Variants in EPHA6 observed in about 807,000 individuals in gnomAD.
The protein encoded by EPHA6 is ephrin type-A receptor 6.
EPHA6 carries 50 observed loss-of-function variants against 112.0 expected under a neutral mutation model. That is an observed-to-expected ratio of 0.45 (90% confidence interval 0.36 to 0.56). EPHA6 has a LOEUF of 0.56. Among genes scored for constraint, EPHA6 ranks in the 20% least tolerant of loss-of-function variants. EPHA6 has a pLI of 0.00. For synonymous variants in EPHA6, 529 were observed against 490.7 expected (o/e 1.08, Z -1.03); for missense variants, 1,280 against 1,417.4 (o/e 0.90, Z 1.56).
rs761466540 is a variant in EPHA6 at position 96,814,832 on chromosome 3, A to G, written c.209A>G (p.His70Arg). 11 of 1,583,726 alleles carry G rather than the reference A, an allele frequency of 6.9e-6. No individual in the cohort carries two copies. Among genetic ancestry groups the G allele is most frequent in the Non-Finnish European group, 8.6e-6 (10 of 1,164,422 alleles). Reference protein sequence around the residue: ...EEEEDVDKDPHPTQNTCLRCR... With the variant: ...EEEEDVDKDPRPTQNTCLRCR... ...GAAGAAGACGTGGACAAGGACCCCC[A>G]TCCTACCCAGAACACCTGCCTGCGC... The change falls in exon 1 of 18, where the codon CAT becomes CGT. Residue 70 changes from histidine to arginine, a missense_variant. Physicochemically the swap from His to Arg is conservative, Grantham distance 29. This residue lies in a region of EPHA6 where 220 missense variants were observed against 171.5 expected (regional missense o/e 1.28). Transcript: ENST00000389672.
chr3:97,460,129 T>C (rs185413002), intron 7 of EPHA6, among the ~76,000 whole-genome samples: 3 of 152,342 alleles, frequency 2.0e-5, no homozygotes, highest in African/African-American at 7.2e-5. Flanking sequence ...TCAGGCTCAG[T>C]AACATAGAGG....
chr3:97,131,405 T>C (rs901658294), intron 3 of EPHA6, among the ~76,000 whole-genome samples: 2 of 152,104 alleles, frequency 1.3e-5, no homozygotes, highest in African/African-American at 4.8e-5. Context: ...TATTCCTTAG[T>C]CATAATAATG....
intron 3 of EPHA6, among the ~76,000 whole-genome samples, chr3:96,999,945 A>G (rs1382844501): frequency 6.6e-6 from 1 of 151,756 alleles, no homozygotes; most frequent in African/African-American, 2.4e-5. Context: ...ACCTACCCAA[A>G]AAGATTTTCC....
chr3:97,648,383 C>T lies in EPHA6; in HGVS notation c.2784+10301C>T, dbSNP rs2094083146. The stretch of plus-strand genomic sequence containing the variant: ...GGTCTAAGAAGACATAGCCTACACC[C>T]AACTGGAGATAATTATAAAAAATAA... On this transcript the variant is annotated intron_variant, in intron 14 of 17. Coordinates refer to ENST00000389672, the MANE Select transcript of EPHA6 (RefSeq NM_001080448.3). 8 of 1,512,848 alleles carry T rather than the reference C, an allele frequency of 5.3e-6. No individual in the cohort carries two copies. In the Admixed American group the frequency reaches 1.5e-4, roughly 28 times the overall value. The allele number at this position is 1,512,848 out of a possible 1,614,324, so 93.7% of individuals were successfully genotyped here. A position where few individuals can be genotyped will look rare whatever the true frequency, so the allele number is the denominator to read the frequency against.
At position 97,736,092 on chromosome 3, in the gene EPHA6, T is replaced by G; in HGVS notation, c.3102T>G (p.Leu1034=). Residue 1034 remains leucine (L), a synonymous_variant, in exon 16 of 18, where the codon CTT becomes CTG. Transcript: ENST00000389672. ...AACTGATCCGAAATCCCAGTGCCCT[T>G]CACACCCTGGTGGAGGACATCCTTG... ...LDKLIRNPSA[L]HTLVEDILVM... The G allele has an allele frequency of 6.2e-7, 1 of 1,612,252 alleles. No individual in the cohort carries two copies. Among genetic ancestry groups the G allele is most frequent in the Non-Finnish European group, 8.5e-7 (1 of 1,178,952 alleles).
intron 10 of EPHA6, among the ~76,000 whole-genome samples, chr3:97,529,032 C>T (rs1020360173): frequency 8.5e-5 from 13 of 152,124 alleles, no homozygotes; most frequent in African/African-American, 3.1e-4. Context: ...TTTTATCATT[C>T]CAATCATCTG....
At chr3:97,606,658 G>A (rs2093682251) in intron 12 of EPHA6, among the ~76,000 whole-genome samples, 1 of 151,264 alleles carries the variant, frequency 6.6e-6, no homozygotes, top group African/African-American at 2.4e-5. Context: ...GAAGAAAACA[G>A]TTCTTTAATT....
intron 1 of EPHA6, among the ~76,000 whole-genome samples, chr3:96,853,515 T>C (rs2035517883): frequency 6.6e-6 from 1 of 152,118 alleles, no homozygotes; most frequent in Non-Finnish European, 1.5e-5. Flanking sequence ...TGATTTGTTT[T>C]ATTCTGAATA....
At chr3:96,985,059 G>T (rs1314758856) in intron 2 of EPHA6, among the ~76,000 whole-genome samples, 4 of 152,086 alleles carry the variant, frequency 2.6e-5, no homozygotes, top group African/African-American at 9.7e-5. Context: ...CCACTGTCCT[G>T]CCCCCACTGT....
chr3:97,452,212 A>T (rs540973880), intron 7 of EPHA6, among the ~76,000 whole-genome samples: 42 of 151,878 alleles, frequency 2.8e-4, no homozygotes, highest in African/African-American at 9.9e-4. Context: ...GCTAGTGGAG[A>T]TTCTCTAACT....
rs1559631875 is a variant in EPHA6 at position 96,970,268 on chromosome 3, A to AC, written c.451-17062_451-17061insC. On this transcript the variant is annotated intron_variant, in intron 2 of 17. Coordinates refer to ENST00000389672, the MANE Select transcript of EPHA6 (RefSeq NM_001080448.3). ...ACACACACACACACACACACACACA[A>AC]ACACACACACACACAGAGCGAGAGA... Among the ~76,000 whole-genome samples the AC allele has an allele frequency of 2.9e-4, 35 of 120,934 alleles. 1 individual carries two copies. Among genetic ancestry groups the AC allele is most frequent in the African/African-American group, 8.7e-4 (23 of 26,402 alleles). 79.3% of individuals were successfully genotyped at this position (120,934 alleles called of 152,430 possible). A position where few individuals can be genotyped will look rare whatever the true frequency, so the allele number is the denominator to read the frequency against.
rs554138334 is a variant in EPHA6, at chr3:97,724,315, T to C, written c.2934+3905T>C. ...CCCAAAGGTCAGTGGTATTATACTT[T>C]AGGGAAAGGAAATGAGAAAAAAAGA... On this transcript the variant is annotated intron_variant, in intron 15 of 17. Transcript: ENST00000389672. 5.9e-5 allele frequency among the ~76,000 whole-genome samples: 9 copies of C among 152,232 alleles called. No individual in the cohort carries two copies. The South Asian group carries it at 1.7e-3, about 28-fold the overall frequency.
At chr3:96,976,438 T>C (rs1442178693) in intron 2 of EPHA6, among the ~76,000 whole-genome samples, 1 of 152,156 alleles carries the variant, frequency 6.6e-6, no homozygotes, top group Non-Finnish European at 1.5e-5. Flanking sequence ...CAATTAACAT[T>C]TTAATTAATG....
At chr3:97,575,974 G>A (rs963940582) in intron 11 of EPHA6, among the ~76,000 whole-genome samples, 10 of 152,094 alleles carry the variant, frequency 6.6e-5, no homozygotes, top group Admixed American at 2.0e-4. Flanking sequence ...ACGACTCTGA[G>A]GAAGTGGTCT....
chr3:96,895,873 C>A (rs752268408), intron 2 of EPHA6, among the ~76,000 whole-genome samples: 2 of 152,138 alleles, frequency 1.3e-5, no homozygotes, highest in Non-Finnish European at 2.9e-5. Context: ...TATAGGGACA[C>A]CAATCATTGA....
chr3:97,236,791 A>G (rs1033269457), intron 4 of EPHA6, among the ~76,000 whole-genome samples: 3 of 152,070 alleles, frequency 2.0e-5, no homozygotes, highest in Admixed American at 6.6e-5. Context: ...ATAATTGGCC[A>G]CTTGAGAAAA....
rs577976797 is a variant in EPHA6, at chr3:97,326,696, G to T, written c.1607-78454G>T. Among the ~76,000 whole-genome samples the T allele has an allele frequency of 2.6e-5, 4 of 152,138 alleles. No individual in the cohort carries two copies. The East Asian group carries it at 7.7e-4, about 29-fold the overall frequency. On this transcript the variant is annotated intron_variant, in intron 5 of 17. Transcript: ENST00000389672. ...CAAATGGTCTTGGTAGAAATTGGAT[G>T]CACACATCATGAAACAGTAAAAACC...
chr3:96,856,197 G>A (rs556141179), intron 1 of EPHA6, among the ~76,000 whole-genome samples: 2 of 151,876 alleles, frequency 1.3e-5, no homozygotes, highest in African/African-American at 2.4e-5. Flanking sequence ...CGGAGATCGC[G>A]CCACTGCACA....
At chr3:96,876,600 C>CA (rs757680426) in intron 2 of EPHA6, among the ~76,000 whole-genome samples, 38 of 151,986 alleles carry the variant, frequency 2.5e-4, no homozygotes, top group Non-Finnish European at 4.7e-4. Context: ...AACCTGTGGC[C>CA]AACAGCTGCC....
Sources: gnomAD v4.1 joint callset for allele counts (sites outside exome capture counted in the v4.1 genomes callset) on GRCh38, gnomAD v4.1.1 for gene constraint, gnomAD v4.1.1 regional missense constraint, MANE v1.5 for transcripts, NCBI Gene and HGNC (gene_info 2026-07-23, HGNC 2026-07-21) for gene names.